ROBO2: variants seen among roughly 807,000 people sequenced by gnomAD.
ROBO2 encodes the protein roundabout homolog 2.
ROBO2 carries 53 observed loss-of-function variants against 160.8 expected under a neutral mutation model. That is an observed-to-expected ratio of 0.33 (90% CI 0.26 to 0.41). The LOEUF is 0.41. Ranked by LOEUF, ROBO2 falls within the 10% of genes least tolerant of loss-of-function variation. ROBO2 has a pLI of 1.00. For missense variants in ROBO2, 1,577 were observed against 1,722.4 expected, an observed-to-expected ratio of 0.92 and a Z score of 1.49; for synonymous variants, 664 against 611.7, an observed-to-expected ratio of 1.09 and a Z score of -1.26.
chr3:76,318,899 T>A (rs1165432152), intron 2 of ROBO2, among the ~76,000 whole-genome samples: 3 of 152,156 alleles, frequency 2.0e-5, no homozygotes, highest in Non-Finnish European at 4.4e-5. Context: ...GGTAATAAGG[T>A]GTTTGCCCAA....
intron 2 of ROBO2, among the ~76,000 whole-genome samples, chr3:76,063,568 A>G (rs954699041): frequency 6.7e-6 from 1 of 149,306 alleles, no homozygotes; most frequent in African/African-American, 2.5e-5. Context: ...CTTGTCTTGA[A>G]CTCCTGGCCT....
chr3:75,991,267 A>G (rs549527689), intron 2 of ROBO2, among the ~76,000 whole-genome samples: 1 of 152,302 alleles, frequency 6.6e-6, no homozygotes, highest in African/African-American at 2.4e-5. Flanking sequence ...GACAGTTGAT[A>G]TGGTTTGGGT....
intron 1 of ROBO2, among the ~76,000 whole-genome samples, chr3:77,082,445 T>C (rs185323003): frequency 2.0e-5 from 3 of 152,230 alleles, no homozygotes; most frequent in Admixed American, 2.0e-4. Context: ...TGACTGATCA[T>C]TGGGTATTTC....
intron 2 of ROBO2, among the ~76,000 whole-genome samples, chr3:76,791,802 GA>G (rs1484138584): frequency 4.0e-5 from 6 of 151,494 alleles, no homozygotes; most frequent in African/African-American, 1.5e-4. Flanking sequence ...ACCAACCATG[GA>G]TTGGTTGAAT....
chr3:76,488,586 A>G (rs557678970), intron 2 of ROBO2, among the ~76,000 whole-genome samples: 6 of 152,266 alleles, frequency 3.9e-5, no homozygotes, highest in Non-Finnish European at 7.4e-5. Flanking sequence ...CCAGATTTAA[A>G]GGGCTCATGT....
chr3:76,050,681 G>T lies in ROBO2; in HGVS notation c.109+113079G>T, dbSNP rs534550879. On this transcript the variant is annotated intron_variant, in intron 2 of 26. Transcript: ENST00000487694. ...CGAGTTCTGCAACGGCTGTGTCCTT[G>T]CTGTGCTCTCCCTCTTCTCTCTCCA... Among the ~76,000 whole-genome samples, 23 of 152,214 alleles carry T rather than the reference G, an allele frequency of 1.5e-4. No individual in the cohort carries two copies. The Middle Eastern group carries it at 0.01, about 68-fold the overall frequency.
chr3:76,893,456 T>G (rs1403875957), intron 2 of ROBO2, among the ~76,000 whole-genome samples: 2 of 152,118 alleles, frequency 1.3e-5, no homozygotes, highest in Non-Finnish European at 2.9e-5. Context: ...TCCTTCAAAA[T>G]CAAAATAATG....
intron 2 of ROBO2, among the ~76,000 whole-genome samples, chr3:76,739,638 A>AT (rs1208168549): frequency 6.6e-6 from 1 of 151,368 alleles, no homozygotes; most frequent in Non-Finnish European, 1.5e-5. Flanking sequence ...TAAAAAAAAA[A>AT]GTGTAGTTTG....
rs148776276 is a variant in ROBO2, at chr3:77,137,937, A to G, written c.388+39597A>G. ...GAAGGTCATTGGTGCAGCCCTTCCA[A>G]GCAAATGCAGTTAAATTTAACAGAA... On this transcript the variant is annotated intron_variant, in intron 2 of 25. Transcript: ENST00000461745. Among the ~76,000 whole-genome samples, 1,219 of 152,288 alleles carry G rather than the reference A, an allele frequency of 8.0e-3. 7 individuals are homozygous for G. The highest frequency in any genetic ancestry group is 0.013 in the Non-Finnish European group (914 of 68,024).
intron 2 of ROBO2, among the ~76,000 whole-genome samples, chr3:77,454,181 T>C (rs1359315487): frequency 1.3e-5 from 2 of 152,110 alleles, no homozygotes; most frequent in African/African-American, 2.4e-5. Flanking sequence ...TTATTTCTCT[T>C]CTTTTTAAAT....
chr3:77,608,520 C>T (rs77170252), intron 21 of ROBO2, among the ~76,000 whole-genome samples: 1,734 of 152,226 alleles, frequency 0.011, 31 homozygotes, highest in African/African-American at 0.04. Flanking sequence ...AAATTTTCTT[C>T]GAGGGTCTTT....
At chr3:76,639,009 G>C (rs2090488868) in intron 2 of ROBO2, among the ~76,000 whole-genome samples, 1 of 151,918 alleles carries the variant, frequency 6.6e-6, no homozygotes, top group Admixed American at 6.6e-5. Flanking sequence ...GAAGTTTTTG[G>C]CACTTCTATT....
At chr3:76,777,538 C>G (rs1163262688) in intron 2 of ROBO2, among the ~76,000 whole-genome samples, 2 of 150,818 alleles carry the variant, frequency 1.3e-5, no homozygotes, top group Non-Finnish European at 3.0e-5. Flanking sequence ...AAGCATAAAA[C>G]AAAATGTTTT....
At chr3:77,528,192 A>C (rs550429162) in intron 6 of ROBO2, among the ~76,000 whole-genome samples, 1 of 151,788 alleles carries the variant, frequency 6.6e-6, no homozygotes, top group Non-Finnish European at 1.5e-5. Flanking sequence ...CTATGTTTAA[A>C]TAAATTTTGG....
At chr3:77,008,459 T>C (rs545984488) in intron 2 of ROBO2, among the ~76,000 whole-genome samples, 35 of 152,236 alleles carry the variant, frequency 2.3e-4, no homozygotes, top group African/African-American at 7.9e-4. Context: ...AGTGGTAAAA[T>C]GTACATCGCT....
chr3:76,607,919 A>G (rs910032442), intron 2 of ROBO2, among the ~76,000 whole-genome samples: 1 of 152,196 alleles, frequency 6.6e-6, no homozygotes, highest in East Asian at 1.9e-4. Context: ...ACTTCTTGCT[A>G]AGATTATAAA....
intron 2 of ROBO2, among the ~76,000 whole-genome samples, chr3:76,793,409 G>A (rs2063492237): frequency 6.6e-6 from 1 of 151,786 alleles, no homozygotes; most frequent in Non-Finnish European, 1.5e-5. Flanking sequence ...GGTCACTTTA[G>A]GTACGAGGTT....
chr3:76,449,185 A>G (rs2077348545), intron 2 of ROBO2, among the ~76,000 whole-genome samples: 1 of 152,178 alleles, frequency 6.6e-6, no homozygotes, highest in South Asian at 2.1e-4. Context: ...TATGTGTTTA[A>G]AACTATGTAT....
At chr3:77,074,661 G>A (rs1215203486) in intron 1 of ROBO2, among the ~76,000 whole-genome samples, 1 of 152,046 alleles carries the variant, frequency 6.6e-6, no homozygotes, top group Non-Finnish European at 1.5e-5. Context: ...CCTAGAGAAA[G>A]CATCACCTTT....
Sources: gnomAD v4.1 joint callset for allele counts (sites outside exome capture counted in the v4.1 genomes callset) on GRCh38, gnomAD v4.1.1 for gene constraint, MANE v1.5 for transcripts, NCBI Gene and HGNC (gene_info 2026-07-23, HGNC 2026-07-21) for gene names.